The following RPH3AL variants were observed in gnomAD, a reference collection of about 807,000 sequenced individuals.
The protein encoded by RPH3AL is rabphilin 3A like (without C2 domains).
A neutral mutation model predicts 43.1 loss-of-function variants in RPH3AL; 38 were observed. That is an observed-to-expected ratio of 0.88 (90% confidence interval 0.68 to 1.15). The LOEUF is 1.15. Among genes scored for constraint, RPH3AL ranks in the 50% most tolerant of loss-of-function variants. The pLI, the probability that RPH3AL is intolerant of heterozygous loss-of-function variation, is 0.00. For synonymous variants in RPH3AL, 189 were observed against 176.3 expected (o/e 1.07, Z -0.57); for missense variants, 462 against 423.2 (o/e 1.09, Z -0.81).
chr17:263,041 C>A (rs950382516), intron 6 of RPH3AL, among the ~76,000 whole-genome samples: 7 of 152,200 alleles, frequency 4.6e-5, no homozygotes, highest in Non-Finnish European at 7.3e-5. Flanking sequence ...TGTCATCACT[C>A]TGCCACGTGC....
At chr17:337,208 T>A (rs1407526152) in intron 1 of RPH3AL, among the ~76,000 whole-genome samples, 2 of 151,930 alleles carry the variant, frequency 1.3e-5, no homozygotes, top group Admixed American at 1.3e-4. Context: ...CTCCAACTCC[T>A]CGGCTCCCGT....
intron 1 of RPH3AL, among the ~76,000 whole-genome samples, chr17:348,688 G>C (rs962319433): frequency 6.6e-6 from 1 of 152,070 alleles, no homozygotes; most frequent in African/African-American, 2.4e-5. Flanking sequence ...ATACCCTCCC[G>C]AATGCTTTTG....
intron 7 of RPH3AL, among the ~76,000 whole-genome samples, chr17:231,392 G>A (rs2041227586): frequency 6.6e-6 from 1 of 152,198 alleles, no homozygotes; most frequent in Admixed American, 6.5e-5. Flanking sequence ...CTTCCTGTGT[G>A]CAGGCCAGGG....
At chr17:278,087 T>C (rs2042696439) in intron 6 of RPH3AL, among the ~76,000 whole-genome samples, 1 of 152,160 alleles carries the variant, frequency 6.6e-6, no homozygotes, top group Non-Finnish European at 1.5e-5. Flanking sequence ...CCAAATCTCA[T>C]CTTGAACTGC....
chr17:273,075 A>G (rs373064852), intron 6 of RPH3AL, among the ~76,000 whole-genome samples: 8 of 141,112 alleles, frequency 5.7e-5, no homozygotes, highest in African/African-American at 1.5e-4. Context: ...GGGCGACGTC[A>G]GGGAGAGACC....
At chr17:315,847 A>G (rs2044100740) in intron 5 of RPH3AL, among the ~76,000 whole-genome samples, 2 of 144,694 alleles carry the variant, frequency 1.4e-5, no homozygotes, top group Admixed American at 1.4e-4. Flanking sequence ...CCCCACCTCC[A>G]TTGACCTGTA....
chr17:349,467 C>G (rs1465751908), intron 1 of RPH3AL: 1 of 151,344 alleles, frequency 6.6e-6, no homozygotes, highest in Non-Finnish European at 1.5e-5. Context: ...ATTACCAGCT[C>G]AAACTCAAAA....
chr17:245,441 G>A lies in RPH3AL; in HGVS notation c.613+1670C>T, dbSNP rs1278777620. Reference sequence around the variant, plus strand: ...TGGTGATGTGTGTGTAGGTGTGAGCGTGTGTCAATGCGGTTGTGTTTGTGT... The same window carrying A: ...TGGTGATGTGTGTGTAGGTGTGAGCATGTGTCAATGCGGTTGTGTTTGTGT... On this transcript the variant is annotated intron_variant, in intron 7 of 9. Coordinates refer to ENST00000331302, the MANE Select transcript of RPH3AL (RefSeq NM_006987.4). This position sits in a 1 kb window ranked among gnomAD's most constrained non-coding sequence, Gnocchi z 5.9. Among the ~76,000 whole-genome samples, 5 of 150,574 alleles carry A rather than the reference G, an allele frequency of 3.3e-5. No homozygotes were observed. The East Asian group carries it at 5.9e-4, about 18-fold the overall frequency.
intron 5 of RPH3AL, among the ~76,000 whole-genome samples, chr17:297,060 G>T (rs1287884395): frequency 6.6e-6 from 1 of 152,302 alleles, no homozygotes; most frequent in Middle Eastern, 3.4e-3. Context: ...GTTCCATCAG[G>T]AGCTCTGGAA....
At chr17:303,377 C>G (rs9747475) in intron 5 of RPH3AL, among the ~76,000 whole-genome samples, 1 of 150,742 alleles carries the variant, frequency 6.6e-6, no homozygotes, top group African/African-American at 2.4e-5. Context: ...GGCAGCACAG[C>G]GAGACCCTGT....
rs367867218 is a variant in RPH3AL, at chr17:304,345, T to G, written c.351+15075A>C. Among the ~76,000 whole-genome samples, 3 of 151,802 alleles carry G rather than the reference T, an allele frequency of 2.0e-5. No individual in the cohort carries two copies. In the East Asian group the frequency reaches 5.8e-4, roughly 29 times the overall value. On this transcript the variant is annotated intron_variant, in intron 5 of 9. Coordinates refer to ENST00000331302, the MANE Select transcript of RPH3AL (RefSeq NM_006987.4). ...CCTGAAGCAGACAGAGGTGAGGGAA[T>G]GAGCCCAGGCCGGGAGGACGCAGGG...
intron 7 of RPH3AL, among the ~76,000 whole-genome samples, chr17:233,300 A>C (rs1356169260): frequency 1.3e-5 from 2 of 152,110 alleles, no homozygotes; most frequent in Non-Finnish European, 2.9e-5. Context: ...CCTGTAAGAC[A>C]CGACCGCTGG....
intron 1 of RPH3AL, among the ~76,000 whole-genome samples, chr17:335,140 A>G (rs2044917491): frequency 1.3e-5 from 2 of 152,122 alleles, no homozygotes; most frequent in Non-Finnish European, 2.9e-5. Flanking sequence ...TTGGCTGGGG[A>G]CGCATTCCCA....
At chr17:259,157 G>T (rs2042142066) in intron 6 of RPH3AL, among the ~76,000 whole-genome samples, 1 of 152,156 alleles carries the variant, frequency 6.6e-6, no homozygotes, top group Non-Finnish European at 1.5e-5. Context: ...GAAGGTCTAA[G>T]AGCTCACCCT....
In RPH3AL at chr17:264,158, T is replaced by C. The variant is rs1457763531; in HGVS notation, c.439-16873A>G. 1.3e-5 allele frequency among the ~76,000 whole-genome samples: 2 copies of C among 152,184 alleles called. No homozygotes were observed. Among genetic ancestry groups the C allele is most frequent in the Admixed American group, 6.5e-5 (1 of 15,282 alleles). ...TCAGCAAACGTGAGGTGTACTGAGG[T>C]AACATACACACTTGTTTCTAGCATT... On this transcript the variant is annotated intron_variant, in intron 6 of 9. Coordinates refer to ENST00000331302, the MANE Select transcript of RPH3AL (RefSeq NM_006987.4). This position sits in a 1 kb window ranked among gnomAD's most constrained non-coding sequence, Gnocchi z 4.8.
At chr17:253,332 T>C (rs1411968665) in intron 6 of RPH3AL, among the ~76,000 whole-genome samples, 5 of 152,202 alleles carry the variant, frequency 3.3e-5, no homozygotes, top group Middle Eastern at 3.4e-3. Context: ...GCCATCTCTG[T>C]CGTGAGTCTT....
At chr17:341,736 C>T (rs1005877952) in intron 1 of RPH3AL, among the ~76,000 whole-genome samples, 22 of 152,078 alleles carry the variant, frequency 1.4e-4, no homozygotes, top group Admixed American at 1.0e-3. Context: ...TTTTTTGAGA[C>T]GGGGTAATGC....
intron 1 of RPH3AL, among the ~76,000 whole-genome samples, chr17:343,904 G>C (rs2045180962): frequency 6.8e-6 from 1 of 146,622 alleles, no homozygotes; most frequent in African/African-American, 2.6e-5. Flanking sequence ...TCTCAGGGTA[G>C]GGCCATCATG....
chr17:319,018 C>T (rs993018629), intron 5 of RPH3AL, among the ~76,000 whole-genome samples: 9 of 152,174 alleles, frequency 5.9e-5, no homozygotes, highest in African/African-American at 9.7e-5. Flanking sequence ...AAGAGTTTTG[C>T]GTTGAAGAAT....
Sources: allele counts gnomAD v4.1 joint callset (sites outside exome capture counted in the v4.1 genomes callset), GRCh38; gene constraint gnomAD v4.1.1; non-coding constraint Gnocchi (gnomAD v3.1); transcripts MANE v1.5; gene names NCBI Gene and HGNC (gene_info 2026-07-23, HGNC 2026-07-21).